GINS1: variants seen among roughly 807,000 people sequenced by gnomAD.
The protein encoded by GINS1 is DNA replication complex GINS protein PSF1.
A neutral mutation model predicts 34.9 loss-of-function variants in GINS1; 26 were observed. The ratio of observed to expected loss-of-function variants is 0.74; its 90% confidence interval spans 0.55 to 1.03. The LOEUF is 1.03. Among genes scored for constraint, GINS1 ranks in the 50% least tolerant of loss-of-function variants. GINS1 has a pLI of 0.00. For synonymous variants in GINS1, 97 were observed against 84.4 expected (o/e 1.15, Z -0.82); for missense variants, 235 against 237.9 (o/e 0.99, Z 0.08).
At chr20:25,418,376 ATG>A (rs1209443663) in intron 4 of GINS1, among the ~76,000 whole-genome samples, 181 bp downstream of exon 4, 2 of 152,182 alleles carry the variant, frequency 1.3e-5, no homozygotes, top group African/African-American at 2.4e-5. Context: ...TCTAAATCAT[ATG>A]TGGAAAATTC....
chr20:25,408,061 C>T (rs758567884), intron 1 of GINS1, among the ~76,000 whole-genome samples, 166 bp downstream of exon 1: 15 of 152,262 alleles, frequency 9.9e-5, no homozygotes, highest in Non-Finnish European at 1.9e-4. Context: ...AGCATTCATG[C>T]TTACGCTACC....
rs986719578 is a variant in GINS1 at position 25,413,408 on chromosome 20, G to T, written c.76-382G>T. 12 of 164,064 alleles carry T rather than the reference G, an allele frequency of 7.3e-5. No individual in the cohort carries two copies. The East Asian group carries it at 2.0e-3, about 28-fold the overall frequency. 10.2% of individuals were successfully genotyped at this position (164,064 alleles called of 1,614,324 possible). A position where few individuals can be genotyped will look rare whatever the true frequency, so the allele number is the denominator to read the frequency against. ...TGGAAGGTTTATCCATCTATCATTT[G>T]ATGGACGTTTGGGTTGTTTCTACAT... On this transcript the variant is annotated intron_variant, in intron 1 of 6. Transcript: ENST00000262460.
At chr20:25,433,008 G>A (rs187908108) in intron 5 of GINS1, among the ~76,000 whole-genome samples, 4 of 151,662 alleles carry the variant, frequency 2.6e-5, no homozygotes, top group South Asian at 2.1e-4. Flanking sequence ...GCAGGTATTC[G>A]CATAGAATAT....
chr20:25,413,901 G>T (rs1462205237), intron 2 of GINS1, 47 bp downstream of exon 2: 1 of 1,161,384 alleles, frequency 8.6e-7, no homozygotes, highest in Non-Finnish European at 1.3e-6. Flanking sequence ...TAATTAAGAT[G>T]TTGAAATTGG....
intron 1 of GINS1, chr20:25,409,029 A>C (rs1181426241): frequency 1.0e-6 from 1 of 985,094 alleles, no homozygotes; most frequent in African/African-American, 1.7e-5. Context: ...GAGGTGATAT[A>C]TGAGCCTTTC....
chr20:25,440,092 G>C (rs115602308), intron 5 of GINS1, among the ~76,000 whole-genome samples: 4,123 of 151,968 alleles, frequency 0.027, 180 homozygotes, highest in African/African-American at 0.091. Flanking sequence ...GGAGTGCACT[G>C]GTGTGATCTC....
At chr20:25,416,492 G>T (rs2090321505) in intron 2 of GINS1, among the ~76,000 whole-genome samples, 1 of 152,144 alleles carries the variant, frequency 6.6e-6, no homozygotes, top group African/African-American at 2.4e-5. Context: ...TATGCATATG[G>T]TTGCTTAAAA....
At chr20:25,435,414 C>T (rs1201042882) in intron 5 of GINS1, among the ~76,000 whole-genome samples, 2 of 152,070 alleles carry the variant, frequency 1.3e-5, no homozygotes, top group East Asian at 3.9e-4. Context: ...TCCACCTCAG[C>T]CTCCCAAGTG....
chr20:25,412,460 C>G (rs927693996), intron 1 of GINS1, among the ~76,000 whole-genome samples: 1 of 151,872 alleles, frequency 6.6e-6, no homozygotes, highest in Non-Finnish European at 1.5e-5. Flanking sequence ...GAGGCTGAGA[C>G]AGGAGAATTG....
intron 4 of GINS1, 41 bp from the exon 5 acceptor site, chr20:25,425,170 T>G: frequency 1.2e-6 from 1 of 861,732 alleles, no homozygotes. Context: ...GTGTGCAAGT[T>G]TTCTTAGAAT....
At chr20:25,440,660 A>C (rs930691404) in intron 5 of GINS1, among the ~76,000 whole-genome samples, 3 of 151,914 alleles carry the variant, frequency 2.0e-5, no homozygotes, top group African/African-American at 7.3e-5. Flanking sequence ...AAAATACAAA[A>C]ATTAGTTGGG....
chr20:25,422,461 T>C (rs1224962668), intron 4 of GINS1, among the ~76,000 whole-genome samples: 1 of 151,566 alleles, frequency 6.6e-6, no homozygotes, highest in Non-Finnish European at 1.5e-5. Context: ...TGTGGTGGCA[T>C]GCGCCTGTGG....
At chr20:25,426,723 C>T (rs1374872461) in intron 5 of GINS1, among the ~76,000 whole-genome samples, 2 of 151,772 alleles carry the variant, frequency 1.3e-5, no homozygotes, top group East Asian at 4.0e-4. Context: ...CTGGGTTTCT[C>T]CATGTTGGTC....
chr20:25,413,100 C>T (rs997416678), intron 1 of GINS1, among the ~76,000 whole-genome samples: 1 of 149,652 alleles, frequency 6.7e-6, no homozygotes, highest in African/African-American at 2.5e-5. Context: ...GCTCTTGTTG[C>T]TCAGGCTGGA....
At chr20:25,415,486 G>A (rs545333629) in intron 2 of GINS1, among the ~76,000 whole-genome samples, 9 of 152,220 alleles carry the variant, frequency 5.9e-5, no homozygotes, top group African/African-American at 1.7e-4. Flanking sequence ...TCAGGAGCTC[G>A]AGACCAGCCT....
chr20:25,433,156 A>G (rs190600994), intron 5 of GINS1, among the ~76,000 whole-genome samples: 5 of 152,064 alleles, frequency 3.3e-5, no homozygotes, highest in Admixed American at 1.3e-4. Flanking sequence ...AAAGAGTTTA[A>G]TCCATCCCCT....
chr20:25,412,638 CTTTG>C (rs1345158085), intron 1 of GINS1, among the ~76,000 whole-genome samples: 5 of 152,054 alleles, frequency 3.3e-5, no homozygotes, highest in African/African-American at 1.2e-4. Flanking sequence ...CGATTGATAT[CTTTG>C]TTCGTCAATT....
chr20:25,407,717 C>A lies in GINS1; in HGVS notation c.-104C>A, dbSNP rs997311187. The A allele has an allele frequency of 4.5e-6, 4 of 880,120 alleles. No homozygotes were observed. Among genetic ancestry groups the A allele is most frequent in the South Asian group, 4.3e-5 (3 of 69,414 alleles). 54.5% of individuals were successfully genotyped at this position (880,120 alleles called of 1,614,324 possible). ...AGCGGAGGCCGAGGCGAGAGCCTGGCGCTGTAGGACTAGAACGAAAGGAGT... is the reference window on the plus strand; with the variant it reads ...AGCGGAGGCCGAGGCGAGAGCCTGGAGCTGTAGGACTAGAACGAAAGGAGT... On this transcript the variant is annotated 5_prime_UTR_variant, in exon 1 of 7. Transcript: ENST00000262460.
intron 4 of GINS1, chr20:25,419,702 GC>G: frequency 4.6e-6 from 2 of 432,420 alleles, no homozygotes; most frequent in Non-Finnish European, 7.8e-6. Flanking sequence ...TCGCTCTGTT[GC>G]CCAGGCTGGA....
Sources: allele counts gnomAD v4.1 joint callset (sites outside exome capture counted in the v4.1 genomes callset), GRCh38; gene constraint gnomAD v4.1.1; transcripts MANE v1.5; gene names NCBI Gene and HGNC (gene_info 2026-07-23, HGNC 2026-07-21).